Variants in DNAH11 observed in about 807,000 individuals in gnomAD.
DNAH11 encodes the protein dynein axonemal heavy chain 11.
In DNAH11, 442 loss-of-function variants were observed where a neutral mutation model predicts 526.0. That is an observed-to-expected ratio of 0.84 (90% CI 0.78 to 0.91). The LOEUF (loss-of-function observed/expected upper bound fraction) is 0.91, where lower values mean the gene tolerates loss of function less well. Ranked by LOEUF, DNAH11 falls within the 40% of genes least tolerant of loss-of-function variation. DNAH11 has a pLI of 0.00. For synonymous variants in DNAH11, 2,461 were observed against 1,935.9 expected, an observed-to-expected ratio of 1.27 and a Z score of -7.12; for missense variants, 6,989 against 5,448.7, an observed-to-expected ratio of 1.28 and a Z score of -8.90.
chr7:21,787,521 A>T lies in DNAH11; in HGVS notation c.9862A>T (p.Thr3288Ser), dbSNP rs1266689145. The change falls in exon 60 of 82, where the codon ACC becomes TCC. Residue 3288 changes from threonine (T) to serine (S), a missense_variant. Transcript: ENST00000409508. ...AGAGTTTAATCCAAACCTGATTCGAACCAAATCTTTTGCAGCAGCTGGCCT... is the reference window on the plus strand; with the variant it reads ...AGAGTTTAATCCAAACCTGATTCGATCCAAATCTTTTGCAGCAGCTGGCCT... ...DPEFNPNLIRTKSFAAAGLCA... is the reference protein window; with the variant it reads ...DPEFNPNLIRSKSFAAAGLCA... 6.2e-7 allele frequency: 1 copy of T among 1,613,640 alleles called. No individual in the cohort carries two copies. Among genetic ancestry groups the T allele is most frequent in the East Asian group, 2.2e-5 (1 of 44,854 alleles).
At chr7:21,621,026 C>T (rs979386862) in intron 25 of DNAH11, among the ~76,000 whole-genome samples, 5 of 151,970 alleles carry the variant, frequency 3.3e-5, no homozygotes, top group African/African-American at 9.7e-5. Context: ...AATAAACATA[C>T]GTGTGCATGT....
intron 80 of DNAH11, 29 bp from the exon 81 acceptor site, chr7:21,899,951 C>A (rs778961845): frequency 6.2e-7 from 1 of 1,611,804 alleles, no homozygotes; most frequent in South Asian, 1.1e-5. Context: ...ACACTTTTAT[C>A]CTATTCAATT....
chr7:21,738,915 A>G (rs1251714741), intron 47 of DNAH11, 49 bp downstream of exon 47: 4 of 1,382,338 alleles, frequency 2.9e-6, no homozygotes, highest in African/African-American at 3.0e-5. Flanking sequence ...AATAATTATT[A>G]TGGATAATAA....
chr7:21,570,227 A>G lies in DNAH11; in HGVS notation c.1353A>G (p.Arg451=). 1 of 1,613,422 alleles carries G rather than the reference A, an allele frequency of 6.2e-7. No individual in the cohort carries two copies. The highest frequency in any genetic ancestry group is 2.2e-5 in the East Asian group (1 of 44,866). Residue 451 remains arginine (R), a synonymous_variant, in exon 7 of 82, where the codon AGA becomes AGG. Coordinates refer to ENST00000409508, the MANE Select transcript of DNAH11 (RefSeq NM_001277115.2). ...GCTACTTTATGGGAAGAAAGCTGAG[A>G]CCATGGGATTTCCAGTCTCATCTGG... is the stretch of plus-strand genomic sequence containing the variant. ...LASYFMGRKL[R]PWDFQSHLVF...
chr7:21,702,577 A>G (rs1292144397), intron 36 of DNAH11, 133 bp from the exon 37 acceptor site: 1 of 700,270 alleles, frequency 1.4e-6, no homozygotes, highest in African/African-American at 1.8e-5. Flanking sequence ...AGAGCAGAAG[A>G]AAATAGTATT....
At chr7:21,580,588 G>T (rs76368063) in intron 8 of DNAH11, among the ~76,000 whole-genome samples, 6,178 of 152,220 alleles carry the variant, frequency 0.041, 137 homozygotes, top group South Asian at 0.062. Flanking sequence ...CAAGAGCAAG[G>T]CTCCCGCAGG....
chr7:21,617,075 G>A (rs2128452922), intron 22 of DNAH11, among the ~76,000 whole-genome samples: 1 of 152,254 alleles, frequency 6.6e-6, no homozygotes, highest in South Asian at 2.1e-4. Context: ...CTAAGTTCTA[G>A]TTGTTTTCTT....
chr7:21,642,641 G>C (rs1266139980), intron 28 of DNAH11, among the ~76,000 whole-genome samples: 1 of 152,068 alleles, frequency 6.6e-6, no homozygotes, highest in Non-Finnish European at 1.5e-5. Flanking sequence ...CCCATAAAAG[G>C]CGCCCTGTGT....
chr7:21,786,346 G>A (rs533434214), intron 58 of DNAH11, among the ~76,000 whole-genome samples: 1 of 151,724 alleles, frequency 6.6e-6, no homozygotes, highest in Non-Finnish European at 1.5e-5. Flanking sequence ...GCCTCAGTGA[G>A]CAGGGCTCTG....
At chr7:21,584,904 C>T (rs926713942) in intron 9 of DNAH11, among the ~76,000 whole-genome samples, 8 of 151,650 alleles carry the variant, frequency 5.3e-5, no homozygotes, top group African/African-American at 1.9e-4. Context: ...CTATCATATT[C>T]TTTGCTACTG....
intron 8 of DNAH11, among the ~76,000 whole-genome samples, chr7:21,579,621 C>T (rs1784234061): frequency 1.3e-5 from 2 of 152,018 alleles, no homozygotes; most frequent in Non-Finnish European, 2.9e-5. Context: ...GGAGAGATGG[C>T]AGAATAGTTA....
In DNAH11 at chr7:21,880,530, C is replaced by T. The variant is rs146523067; in HGVS notation, c.12196-172C>T. ...TATTCCTCTTAAGCCAACAGACTGGCAAATGCCAAATAATCTCCTGTTAAG... is the reference window on the plus strand; with the variant it reads ...TATTCCTCTTAAGCCAACAGACTGGTAAATGCCAAATAATCTCCTGTTAAG... On this transcript the variant is annotated intron_variant, in intron 74 of 81. Coordinates refer to ENST00000409508, the MANE Select transcript of DNAH11 (RefSeq NM_001277115.2). Among the ~76,000 whole-genome samples the T allele has an allele frequency of 3.3e-5, 5 of 152,366 alleles. No individual in the cohort carries two copies. The East Asian group carries it at 9.6e-4, about 29-fold the overall frequency.
chr7:21,822,056 G>A (rs1191008190), intron 65 of DNAH11, among the ~76,000 whole-genome samples: 2 of 152,032 alleles, frequency 1.3e-5, no homozygotes, highest in African/African-American at 2.4e-5. Context: ...TTTTATGGAT[G>A]AATAGTATTT....
At chr7:21,709,864 C>T (rs747900352) in intron 40 of DNAH11, among the ~76,000 whole-genome samples, 2 of 152,096 alleles carry the variant, frequency 1.3e-5, no homozygotes, top group Non-Finnish European at 2.9e-5. Context: ...AAATACTTCA[C>T]AGAAGAAACA....
chr7:21,826,273 TCC>T, intron 65 of DNAH11, among the ~76,000 whole-genome samples: 1 of 152,204 alleles, frequency 6.6e-6, no homozygotes, highest in African/African-American at 2.4e-5. Flanking sequence ...CTTTCTTATT[TCC>T]TCATCTAACT....
intron 55 of DNAH11, among the ~76,000 whole-genome samples, chr7:21,769,253 C>G (rs975400995): frequency 6.6e-6 from 1 of 152,204 alleles, no homozygotes; most frequent in African/African-American, 2.4e-5. Context: ...CCCCATTCTT[C>G]AAGCCTCGAC....
chr7:21,891,403 G>A (rs1209196233), intron 76 of DNAH11, among the ~76,000 whole-genome samples: 1 of 152,130 alleles, frequency 6.6e-6, no homozygotes, highest in East Asian at 1.9e-4. Context: ...GAGACTGGGA[G>A]AATTAAAACA....
Position 21,617,874 on chromosome 7 carries a change from A to AC in DNAH11, c.4254+103dup, listed in dbSNP as rs1005005500. The AC allele has an allele frequency of 8.5e-6, 11 of 1,287,380 alleles. No homozygotes were observed. The East Asian group carries it at 1.7e-4, about 20-fold the overall frequency. 79.7% of individuals were successfully genotyped at this position (1,287,380 alleles called of 1,614,324 possible). A position where few individuals can be genotyped will look rare whatever the true frequency, so the allele number is the denominator to read the frequency against. ...GAGATGAAGTGTAATTTATGAAAAG[A>AC]CCCCCCTCAGCATAGCCTCTACTTG... On this transcript the variant is annotated intron_variant, in intron 23 of 81. Transcript: ENST00000409508.
chr7:21,901,048 C>T lies in DNAH11; in HGVS notation c.13345C>T (p.Arg4449Cys), dbSNP rs751222708. Residue 4449 changes from arginine (R) to cysteine (C), a missense_variant, in exon 82 of 82, where the codon CGT becomes TGT. Arg to Cys is a radical substitution (Grantham distance 180, BLOSUM62 -3). Coordinates refer to ENST00000409508, the MANE Select transcript of DNAH11 (RefSeq NM_001277115.2). ...DTQAGTIVEARLKELACPMPV... is the reference protein window; with the variant it reads ...DTQAGTIVEACLKELACPMPV... Reference sequence around the variant, plus strand: ...CCAAGCAGGAACCATTGTTGAAGCCCGTCTCAAGGAGCTGGCATGCCCTAT... The same window carrying T: ...CCAAGCAGGAACCATTGTTGAAGCCTGTCTCAAGGAGCTGGCATGCCCTAT... The T allele has an allele frequency of 3.3e-5, 54 of 1,612,600 alleles. No individual in the cohort carries two copies. The African/African-American group carries it at 3.5e-4, about 10-fold the overall frequency.
Sources: allele counts gnomAD v4.1 joint callset (sites outside exome capture counted in the v4.1 genomes callset), GRCh38; gene constraint gnomAD v4.1.1; transcripts MANE v1.5; gene names NCBI Gene and HGNC (gene_info 2026-07-23, HGNC 2026-07-21).